APBB2: variants seen among roughly 807,000 people sequenced by gnomAD.
The protein encoded by APBB2 is amyloid beta precursor protein binding family B member 2, also known as Fe65-like 1.
Under a neutral mutation model 82.5 loss-of-function variants are expected in APBB2, and 38 were observed. That is an observed-to-expected ratio of 0.46 (90% CI 0.36 to 0.60). The LOEUF (loss-of-function observed/expected upper bound fraction) is 0.60, where lower values mean the gene tolerates loss of function less well. APBB2 is among the 20% of genes least tolerant of loss of function. The pLI is 0.00. For missense variants in APBB2, 772 were observed against 972.3 expected, an observed-to-expected ratio of 0.79 and a Z score of 2.74; for synonymous variants, 341 against 368.2, an observed-to-expected ratio of 0.93 and a Z score of 0.85.
intron 2 of APBB2, among the ~76,000 whole-genome samples, chr4:41,137,176 T>C (rs1022254332): frequency 3.3e-5 from 5 of 152,198 alleles, no homozygotes; most frequent in African/African-American, 1.2e-4. Context: ...TCATAGGTTT[T>C]CTATTTAGTA....
intron 12 of APBB2, among the ~76,000 whole-genome samples, chr4:40,837,252 A>C (rs1301409335): frequency 2.6e-5 from 4 of 152,204 alleles, no homozygotes; most frequent in Non-Finnish European, 2.9e-5. Context: ...GCCCGTAGCC[A>C]GCTCTGTTGC....
At chr4:40,997,662 G>A (rs1270022648) in intron 6 of APBB2, among the ~76,000 whole-genome samples, 1 of 152,162 alleles carries the variant, frequency 6.6e-6, no homozygotes, top group Non-Finnish European at 1.5e-5. Flanking sequence ...ACACTCAGAT[G>A]TTATTTACAA....
At chr4:41,007,432 C>T (rs1807066848) in intron 6 of APBB2, among the ~76,000 whole-genome samples, 1 of 152,108 alleles carries the variant, frequency 6.6e-6, no homozygotes, top group South Asian at 2.1e-4. Context: ...AGAAAACAAT[C>T]TATGACAACC....
At chr4:40,877,311 A>G (rs966972448) in intron 12 of APBB2, among the ~76,000 whole-genome samples, 2 of 152,226 alleles carry the variant, frequency 1.3e-5, no homozygotes, top group African/African-American at 2.4e-5. Flanking sequence ...GGCCATACCC[A>G]CTATTTACAC....
intron 6 of APBB2, among the ~76,000 whole-genome samples, chr4:41,007,411 G>A (rs62412100): frequency 3.9e-5 from 6 of 151,996 alleles, no homozygotes; most frequent in South Asian, 2.1e-4. Context: ...CAGGTATTTC[G>A]TTATAGCAAC....
intron 1 of APBB2, among the ~76,000 whole-genome samples, chr4:41,176,897 C>T (rs934104845): frequency 1.3e-5 from 2 of 151,868 alleles, no homozygotes; most frequent in Admixed American, 6.6e-5. Flanking sequence ...CCAGAGCATG[C>T]CTTACACCTC....
chr4:41,118,643 A>G (rs915176441), intron 2 of APBB2, among the ~76,000 whole-genome samples: 5 of 152,342 alleles, frequency 3.3e-5, no homozygotes, highest in Admixed American at 3.3e-4. Flanking sequence ...CCAGCTTCAT[A>G]TAGGAAGGTT....
Position 40,830,523 on chromosome 4 carries a change from T to C in APBB2, c.1584A>G (p.Val528=), listed in dbSNP as rs771970066. 5.9e-5 allele frequency: 95 copies of C among 1,614,046 alleles called. No individual in the cohort carries two copies. Among genetic ancestry groups the C allele is most frequent in the Non-Finnish European group, 7.4e-5 (87 of 1,180,028 alleles). ...CTTTTGCTGGTGTGTCACATCGAAA[T>C]ACATGACATTTCAAAATTCTTGTAT... is the stretch of plus-strand genomic sequence containing the variant. ...DKDTRILKCH[V]FRCDTPAKAI... The change falls in exon 13 of 18, where the codon GTA becomes GTG. Residue 528 remains valine, a synonymous_variant. Coordinates refer to ENST00000508593, the MANE Select transcript of APBB2 (RefSeq NM_004307.2).
At chr4:40,866,308 T>C (rs1237497279) in intron 12 of APBB2, among the ~76,000 whole-genome samples, 1 of 152,108 alleles carries the variant, frequency 6.6e-6, no homozygotes, top group Non-Finnish European at 1.5e-5. Flanking sequence ...GATTACAAAA[T>C]AGAAGCACTT....
At chr4:40,917,253 T>TC (rs756170821) in intron 10 of APBB2, among the ~76,000 whole-genome samples, 1 of 152,106 alleles carries the variant, frequency 6.6e-6, no homozygotes, top group African/African-American at 2.4e-5. Flanking sequence ...GAACTCCAGC[T>TC]CCCCAGCTAG....
chr4:41,149,672 A>T (rs1235256978), intron 1 of APBB2, among the ~76,000 whole-genome samples: 1 of 152,150 alleles, frequency 6.6e-6, no homozygotes, highest in Non-Finnish European at 1.5e-5. Context: ...CTGGGGTAAT[A>T]CGATTTGACT....
At position 41,160,038 on chromosome 4, in the gene APBB2, A is replaced by AAG. The variant is rs1247891414; in HGVS notation, c.-416-16897_-416-16896insCT. ...AGAAGAAGAAGAAGAAGAAGAAGAA[A>AAG]ACATCACAGGATGCTGTTTTGCGGA... On this transcript the variant is annotated intron_variant, in intron 1 of 17. Coordinates refer to ENST00000508593, the MANE Select transcript of APBB2 (RefSeq NM_004307.2). 4.2e-4 allele frequency among the ~76,000 whole-genome samples: 52 copies of AAG among 123,180 alleles called. 2 individuals carry two copies. Among genetic ancestry groups the AAG allele is most frequent in the African/African-American group, 1.3e-3 (37 of 29,020 alleles). The allele number at this position is 123,180 out of a possible 152,430, so 80.8% of individuals were successfully genotyped here.
chr4:40,973,130 T>TC (rs1177268784), intron 6 of APBB2, among the ~76,000 whole-genome samples: 5 of 152,182 alleles, frequency 3.3e-5, no homozygotes, highest in East Asian at 1.9e-4. Flanking sequence ...AGATCGACCC[T>TC]CCCTCTTTTC....
At chr4:40,816,688 C>A (rs1330166082) in intron 17 of APBB2, among the ~76,000 whole-genome samples, 1 of 152,148 alleles carries the variant, frequency 6.6e-6, no homozygotes, top group Non-Finnish European at 1.5e-5. Context: ...ACTTGTGAAC[C>A]CCAGACGAAT....
intron 1 of APBB2, among the ~76,000 whole-genome samples, chr4:41,175,696 ATAAAT>A (rs1385715153): frequency 2.0e-5 from 3 of 152,198 alleles, no homozygotes; most frequent in African/African-American, 7.2e-5. Context: ...TTTTATTCAG[ATAAAT>A]TAATGTTTCA....
chr4:41,195,598 A>G, intron 1 of APBB2, among the ~76,000 whole-genome samples: 1 of 152,080 alleles, frequency 6.6e-6, no homozygotes, highest in Non-Finnish European at 1.5e-5. Context: ...CCCTCATAAA[A>G]TGTAAGTTAG....
chr4:41,192,758 G>T (rs1774826083), intron 1 of APBB2, among the ~76,000 whole-genome samples: 2 of 152,102 alleles, frequency 1.3e-5, no homozygotes, highest in African/African-American at 4.8e-5. Flanking sequence ...ACAGATTTTA[G>T]CTGCTCTTGG....
intron 17 of APBB2, 79 bp downstream of exon 17, chr4:40,821,792 G>A (rs1010305399): frequency 1.3e-6 from 2 of 1,505,510 alleles, no homozygotes; most frequent in African/African-American, 2.8e-5. Context: ...ATTTCCGTGA[G>A]TGATTCTGCT....
chr4:41,003,170 T>C (rs983786352), intron 6 of APBB2, among the ~76,000 whole-genome samples: 1 of 152,230 alleles, frequency 6.6e-6, no homozygotes, highest in Non-Finnish European at 1.5e-5. Flanking sequence ...CCAATCTCAG[T>C]TGAGGTTGTA....
Sources: allele counts gnomAD v4.1 joint callset (sites outside exome capture counted in the v4.1 genomes callset), GRCh38; gene constraint gnomAD v4.1.1; transcripts MANE v1.5; gene names NCBI Gene and HGNC (gene_info 2026-07-23, HGNC 2026-07-21).